The following KHDRBS2 variants were observed in gnomAD, a reference collection of about 807,000 sequenced individuals.
KHDRBS2 encodes KH domain-containing, RNA-binding, signal transduction-associated protein 2.
KHDRBS2 carries 26 observed loss-of-function variants against 44.3 expected under a neutral mutation model. The ratio of observed to expected loss-of-function variants is 0.59; its 90% CI spans 0.43 to 0.81. The LOEUF (loss-of-function observed/expected upper bound fraction) is 0.81. Ranked by LOEUF, KHDRBS2 falls within the 40% of genes least tolerant of loss-of-function variation. KHDRBS2 has a pLI of 0.00. For synonymous variants in KHDRBS2, 194 were observed against 151.1 expected, an observed-to-expected ratio of 1.28 and a Z score of -2.08; for missense variants, 476 against 433.1, an observed-to-expected ratio of 1.10 and a Z score of -0.88.
At chr6:61,614,581 T>G in the KHDRBS2 span, among the ~76,000 whole-genome samples, 1 of 152,202 alleles carries the variant, frequency 6.6e-6, no homozygotes, top group East Asian at 1.9e-4. Context: ...ATCTTGACCA[T>G]TAATGACATT....
chr6:61,574,506 G>C, the KHDRBS2 span: 2 of 959,088 alleles, frequency 2.1e-6, no homozygotes, highest in Non-Finnish European at 3.0e-6. Flanking sequence ...AAAAATTTCG[G>C]CTGGGGCGAC....
chr6:62,078,409 A>G (rs1157542147), intron 2 of KHDRBS2, among the ~76,000 whole-genome samples: 1 of 152,018 alleles, frequency 6.6e-6, no homozygotes, highest in Admixed American at 6.6e-5. Context: ...GTATTAATAA[A>G]TGTGTAAAGT....
chr6:62,112,955 A>G (rs917472045), intron 2 of KHDRBS2, among the ~76,000 whole-genome samples: 1 of 152,116 alleles, frequency 6.6e-6, no homozygotes, highest in African/African-American at 2.4e-5. Context: ...CCGTTCACCT[A>G]TCCATCTTCT....
At chr6:61,830,184 A>T (rs888304855) in intron 6 of KHDRBS2, among the ~76,000 whole-genome samples, 25 of 152,168 alleles carry the variant, frequency 1.6e-4, no homozygotes, top group Admixed American at 1.4e-3. Flanking sequence ...AAAGTGGAGG[A>T]TATATTGATA....
At chr6:62,210,447 C>T (rs1279706398) in intron 1 of KHDRBS2, among the ~76,000 whole-genome samples, 2 of 151,426 alleles carry the variant, frequency 1.3e-5, no homozygotes, top group East Asian at 1.9e-4. Context: ...TATCCTGCCT[C>T]GGCCCCCAGA....
chr6:61,628,249 G>T, the KHDRBS2 span, among the ~76,000 whole-genome samples: 1 of 99,442 alleles, frequency 1.0e-5, no homozygotes, highest in Non-Finnish European at 1.8e-5. Context: ...TTTCAACCTG[G>T]GCTGTTTCAA....
At position 61,975,653 on chromosome 6, in the gene KHDRBS2, G is replaced by GCACACACACACACA. The variant is rs567222441; in HGVS notation, c.483+2399_483+2412dup. Among the ~76,000 whole-genome samples, 55 of 88,398 alleles carry GCACACACACACACA rather than the reference G, an allele frequency of 6.2e-4. No homozygotes were observed. In the South Asian group the frequency reaches 7.0e-3, roughly 11 times the overall value. 58.0% of individuals were successfully genotyped at this position (88,398 alleles called of 152,430 possible). A position where few individuals can be genotyped will look rare whatever the true frequency, so the allele number is the denominator to read the frequency against. ...CACAGAAATCAAAGATAAGCAAGATGCACACACACACACACACACACACAC... is the reference window on the plus strand; with the variant it reads ...CACAGAAATCAAAGATAAGCAAGATGCACACACACACACACACACACACACACACACACACACAC... On this transcript the variant is annotated intron_variant, in intron 4 of 8. Transcript: ENST00000281156.
At chr6:62,250,962 A>C (rs1335050170) in intron 1 of KHDRBS2, among the ~76,000 whole-genome samples, 1 of 151,960 alleles carries the variant, frequency 6.6e-6, no homozygotes, top group East Asian at 1.9e-4. Context: ...CTGAAGGAAG[A>C]AATACTACAA....
chr6:61,595,820 C>G, the KHDRBS2 span, among the ~76,000 whole-genome samples: 2 of 151,598 alleles, frequency 1.3e-5, no homozygotes, highest in African/African-American at 4.8e-5. Flanking sequence ...TAGTATTTAA[C>G]TTACAAATGA....
chr6:62,177,037 T>A, intron 2 of KHDRBS2, 148 bp downstream of exon 2: 2 of 427,928 alleles, frequency 4.7e-6, no homozygotes, highest in Non-Finnish European at 7.9e-6. Flanking sequence ...TCAAAAGTTT[T>A]CCTTCCCCTA....
At chr6:62,052,662 A>C (rs1789345788) in intron 2 of KHDRBS2, among the ~76,000 whole-genome samples, 2 of 151,732 alleles carry the variant, frequency 1.3e-5, no homozygotes, top group Admixed American at 1.3e-4. Flanking sequence ...TTTTGAAATA[A>C]AACTGTCCAC....
At chr6:62,128,548 C>G (rs1416558703) in intron 2 of KHDRBS2, among the ~76,000 whole-genome samples, 1 of 146,776 alleles carries the variant, frequency 6.8e-6, no homozygotes, top group Non-Finnish European at 1.5e-5. Context: ...TTAATGATCT[C>G]TCTCTCTCTC....
At chr6:61,947,301 C>G (rs1185736885) in intron 4 of KHDRBS2, among the ~76,000 whole-genome samples, 1 of 152,108 alleles carries the variant, frequency 6.6e-6, no homozygotes, top group African/African-American at 2.4e-5. Context: ...TTGGAAAAGA[C>G]TGCACAAGAT....
At chr6:61,944,529 G>C (rs910745375) in intron 4 of KHDRBS2, among the ~76,000 whole-genome samples, 5 of 152,022 alleles carry the variant, frequency 3.3e-5, no homozygotes, top group African/African-American at 1.2e-4. Context: ...GAAGTGAAGA[G>C]GTGGTAGTGA....
intron 2 of KHDRBS2, among the ~76,000 whole-genome samples, chr6:62,062,818 C>CA (rs1211793617): frequency 4.1e-5 from 6 of 147,216 alleles, no homozygotes; most frequent in African/African-American, 1.2e-4. Flanking sequence ...AAAAACCCTT[C>CA]AAAAAATCAA....
chr6:61,632,561 A>C, the KHDRBS2 span, among the ~76,000 whole-genome samples: 1 of 152,194 alleles, frequency 6.6e-6, no homozygotes, highest in African/African-American at 2.4e-5. Flanking sequence ...GTTCATATGA[A>C]ATTTAAAACT....
At chr6:61,671,026 G>A in the KHDRBS2 span, among the ~76,000 whole-genome samples, 1 of 151,586 alleles carries the variant, frequency 6.6e-6, no homozygotes, top group African/African-American at 2.4e-5. Context: ...AAGACACTGA[G>A]AAGATAGGAG....
chr6:61,921,428 G>T (rs1460731214), intron 4 of KHDRBS2, among the ~76,000 whole-genome samples: 1 of 151,906 alleles, frequency 6.6e-6, no homozygotes, highest in Admixed American at 6.6e-5. Context: ...CAATATGTGG[G>T]TGAATATTTT....
At chr6:62,138,539 T>C (rs1213905937) in intron 2 of KHDRBS2, among the ~76,000 whole-genome samples, 1 of 152,218 alleles carries the variant, frequency 6.6e-6, no homozygotes, top group South Asian at 2.1e-4. Context: ...AGTCTGATTT[T>C]AAAAAGTGAT....
Sources: gnomAD v4.1 joint callset for allele counts (sites outside exome capture counted in the v4.1 genomes callset) on GRCh38, gnomAD v4.1.1 for gene constraint, MANE v1.5 for transcripts, NCBI Gene and HGNC (gene_info 2026-07-23, HGNC 2026-07-21) for gene names.